The following MDN1 variants were observed in gnomAD, a reference collection of about 807,000 sequenced individuals.
MDN1 encodes the protein midasin AAA ATPase 1.
MDN1 carries 266 observed loss-of-function variants against 669.2 expected under a neutral mutation model. The observed-to-expected ratio is 0.40, with a 90% CI of 0.36 to 0.44. The LOEUF (loss-of-function observed/expected upper bound fraction) is 0.44, where lower values mean the gene tolerates loss of function less well. Among genes scored for constraint, MDN1 ranks in the 20% least tolerant of loss-of-function variants. The pLI is 1.00. For missense variants in MDN1, 5,940 were observed against 6,754.0 expected, an observed-to-expected ratio of 0.88 and a Z score of 4.22; for synonymous variants, 2,385 against 2,457.1, an observed-to-expected ratio of 0.97 and a Z score of 0.87.
rs1812564638 is a variant in MDN1 at position 89,694,179 on chromosome 6, T to C, written c.9776A>G (p.His3259Arg). The C allele has an allele frequency of 6.2e-7, 1 of 1,613,476 alleles. No homozygotes were observed. The highest frequency in any genetic ancestry group is 1.3e-5 in the African/African-American group (1 of 74,888). ...GGTCTTCCATTCACACTGCAGTTGG[T>C]GTAACTAATGGAAAAGAGAGAAGTT... is the stretch of plus-strand genomic sequence containing the variant. ...YKLNYVKEEL[H>R]QLQCEWKTRN... The change falls in exon 62 of 102, where the codon CAC becomes CGC. Residue 3259 changes from histidine (H) to arginine (R), a missense_variant. Around this residue, in one of 5 missense-constraint regions of MDN1, gnomAD observed 2,292 missense variants for 2,638.3 expected, o/e 0.87. Coordinates refer to ENST00000369393, the MANE Select transcript of MDN1 (RefSeq NM_014611.3).
At chr6:89,674,748 C>A (rs1398920501) in intron 78 of MDN1, among the ~76,000 whole-genome samples, 159 bp from the exon 79 acceptor site, 1 of 152,152 alleles carries the variant, frequency 6.6e-6, no homozygotes, top group Admixed American at 6.5e-5. Flanking sequence ...TGTTAAAATG[C>A]CTCCCAAAGT....
chr6:89,726,386 C>G (rs1815235545), intron 37 of MDN1, among the ~76,000 whole-genome samples: 1 of 150,398 alleles, frequency 6.6e-6, no homozygotes, highest in Non-Finnish European at 1.5e-5. Flanking sequence ...TTCAGTTGAA[C>G]CTGGGAGGAG....
At position 89,819,487 on chromosome 6, in the gene MDN1, C is replaced by G. The variant is rs766163481; in HGVS notation, c.102+19G>C. The G allele has an allele frequency of 3.1e-6, 5 of 1,602,102 alleles. No homozygotes were observed. The Admixed American group carries it at 8.3e-5, about 27-fold the overall frequency. The stretch of plus-strand genomic sequence containing the variant: ...CGACCCAGTCGTTCCGGCGCTTTCC[C>G]TCTCCCTTCACGTCTTACCTGCTTG... On this transcript the variant is annotated intron_variant, in intron 1 of 101. Transcript: ENST00000369393.
At position 89,700,148 on chromosome 6, in the gene MDN1, G is replaced by C. The variant is rs1245446021; in HGVS notation, c.8785C>G (p.Gln2929Glu). The change falls in exon 57 of 102, where the codon CAG (glutamine) becomes GAG (glutamate). Residue 2929 changes from glutamine to glutamate, a missense_variant. Gln to Glu is a conservative substitution (Grantham distance 29, BLOSUM62 2). Coordinates refer to ENST00000369393, the MANE Select transcript of MDN1 (RefSeq NM_014611.3). ...AGGTACTCCATTGCAGGCCACAACT[G>C]AACACTCCTGGTGAGGTGGATTACG... ...TSVIHLTRSV[Q>E]LWPAMEYLAM... The C allele has an allele frequency of 9.3e-6, 15 of 1,614,156 alleles. No individual in the cohort carries two copies. Among genetic ancestry groups the C allele is most frequent in the Non-Finnish European group, 1.3e-5 (15 of 1,180,010 alleles).
Position 89,743,283 on chromosome 6 carries a change from A to G in MDN1, c.4318-3T>C, listed in dbSNP as rs775948179. The G allele has an allele frequency of 4.3e-6, 7 of 1,613,864 alleles. No individual in the cohort carries two copies. Among genetic ancestry groups the G allele is most frequent in the Admixed American group, 1.7e-5 (1 of 59,952 alleles). ...AGTCTTGATGTGTCAATTTCTTCCTATAATTTGAAAAAGTGGGGAAAATTA... is the reference window on the plus strand; with the variant it reads ...AGTCTTGATGTGTCAATTTCTTCCTGTAATTTGAAAAAGTGGGGAAAATTA... On this transcript the variant is annotated splice_polypyrimidine_tract_variant and splice_region_variant and intron_variant, in intron 30 of 101. Transcript: ENST00000369393.
rs1339987152 is a variant in MDN1, at chr6:89,712,615, A to G, written c.7390T>C (p.Cys2464Arg). 1.7e-5 allele frequency: 27 copies of G among 1,614,194 alleles called. No homozygotes were observed. The highest frequency in any genetic ancestry group is 2.3e-5 in the Non-Finnish European group (27 of 1,180,018). ...GTTTTCATGCTCATCCTGTTGAGAC[A>G]ATATACTAAGATCTGTCCATCTCTT... is the stretch of plus-strand genomic sequence containing the variant. ...VRRDGQILVY[C>R]LNRMSMKTSS... The change falls in exon 48 of 102, where the codon TGT becomes CGT. Residue 2464 changes from cysteine (C) to arginine (R), a missense_variant. Cys to Arg is a radical substitution (Grantham distance 180). Coordinates refer to ENST00000369393, the MANE Select transcript of MDN1 (RefSeq NM_014611.3).
chr6:89,815,994 T>C (rs1768799322), intron 1 of MDN1, among the ~76,000 whole-genome samples: 1 of 152,200 alleles, frequency 6.6e-6, no homozygotes, highest in Non-Finnish European at 1.5e-5. Context: ...TCAAGAGCAA[T>C]TTCTGCCCTT....
chr6:89,710,669 A>G lies in MDN1; in HGVS notation c.7765+12T>C. Reference sequence around the variant, plus strand: ...AAAACAGTGCTGAGAGCTAGAAATCAAAAGTGCATACCTGTTGTATTTGGT... The same window carrying G: ...AAAACAGTGCTGAGAGCTAGAAATCGAAAGTGCATACCTGTTGTATTTGGT... On this transcript the variant is annotated intron_variant, in intron 50 of 101. Coordinates refer to ENST00000369393, the MANE Select transcript of MDN1 (RefSeq NM_014611.3). The G allele has an allele frequency of 4.1e-6, 6 of 1,469,602 alleles. No homozygotes were observed. Among genetic ancestry groups the G allele is most frequent in the Non-Finnish European group, 5.5e-6 (6 of 1,085,852 alleles). The allele number at this position is 1,469,602 out of a possible 1,614,324, so 91.0% of individuals were successfully genotyped here. A position where few individuals can be genotyped will look rare whatever the true frequency, so the allele number is the denominator to read the frequency against.
chr6:89,725,483 G>A (rs1815157365), intron 37 of MDN1, 87 bp from the exon 38 acceptor site: 7 of 1,116,780 alleles, frequency 6.3e-6, no homozygotes, highest in Non-Finnish European at 9.2e-6. Flanking sequence ...AGCAAATAAA[G>A]CTAGAGTTAT....
chr6:89,692,457 T>C lies in MDN1; in HGVS notation c.10573A>G (p.Arg3525Gly). The C allele has an allele frequency of 6.2e-7, 1 of 1,611,468 alleles. No individual in the cohort carries two copies. Among genetic ancestry groups the C allele is most frequent in the Non-Finnish European group, 8.5e-7 (1 of 1,178,560 alleles). The part of the protein sequence containing the change: ...ELDQRALQLF[R>G]HVCQEIISEW... ...AGATGGCTCACCTGACACACATGTC[T>C]GAAGAGCTGCAGGGCCCTCTGGTCC... The change falls in exon 63 of 102, where the codon AGA (arginine) becomes GGA (glycine). Residue 3525 changes from arginine (R) to glycine (G), a missense_variant. Coordinates refer to ENST00000369393, the MANE Select transcript of MDN1 (RefSeq NM_014611.3).
chr6:89,698,755 A>T (rs1292186949), intron 59 of MDN1, 110 bp downstream of exon 59: 1 of 1,005,796 alleles, frequency 9.9e-7, no homozygotes, highest in African/African-American at 1.6e-5. Flanking sequence ...AAGTGTTGCA[A>T]TCACCTGTTT....
rs780061476 is a variant in MDN1, at chr6:89,668,036, T to A, written c.14072A>T (p.Asp4691Val). 4 of 1,613,906 alleles carry A rather than the reference T, an allele frequency of 2.5e-6. No homozygotes were observed. The Admixed American group carries it at 6.7e-5, about 27-fold the overall frequency. ...TACCTGTTCTTCATTTCCGATCTGGTCACTCACATCCTTCATGCCCTCGCC... is the reference window on the plus strand; with the variant it reads ...TACCTGTTCTTCATTTCCGATCTGGACACTCACATCCTTCATGCCCTCGCC... Reference protein sequence around the residue: ...GEGEGMKDVSDQIGNEEQVED... With the variant: ...GEGEGMKDVSVQIGNEEQVED... Residue 4691 changes from aspartate (D) to valine (V), a missense_variant, in exon 84 of 102, where the codon GAC becomes GTC. Coordinates refer to ENST00000369393, the MANE Select transcript of MDN1 (RefSeq NM_014611.3).
Position 89,732,694 on chromosome 6 carries a change from A to AT in MDN1, c.4804dup (p.Ile1602AsnfsTer9). The stretch of plus-strand genomic sequence containing the variant: ...GTTAACCCAGGACAGGATATCTCTG[A>AT]TACTGACCACACACTTTCTGCCAAA... On this transcript the variant is annotated frameshift_variant, in exon 34 of 102. Transcript: ENST00000369393. LOFTEE classifies it high-confidence loss of function. 1 of 1,614,034 alleles carries AT rather than the reference A, an allele frequency of 6.2e-7. No individual in the cohort carries two copies. Among genetic ancestry groups the AT allele is most frequent in the Non-Finnish European group, 8.5e-7 (1 of 1,180,004 alleles).
At chr6:89,662,019 GAGAACTATAC>G in intron 87 of MDN1, 58 bp downstream of exon 87, 1 of 1,530,320 alleles carries the variant, frequency 6.5e-7, no homozygotes, top group Non-Finnish European at 8.8e-7. Flanking sequence ...GAGACACCTT[GAGAACTATAC>G]AGCTCAAGAG....
chr6:89,729,213 T>A (rs899845633), intron 35 of MDN1, 74 bp from the exon 36 acceptor site: 39 of 1,215,828 alleles, frequency 3.2e-5, no homozygotes, highest in Non-Finnish European at 4.4e-5. Flanking sequence ...ACTCAAGATT[T>A]TAAAAATCTA....
In MDN1 at chr6:89,819,735, A is replaced by T. The variant is rs1769134050; in HGVS notation, c.-128T>A. 2 of 719,452 alleles carry T rather than the reference A, an allele frequency of 2.8e-6. No homozygotes were observed. Among genetic ancestry groups the T allele is most frequent in the Non-Finnish European group, 4.8e-6 (2 of 416,634 alleles). The allele number at this position is 719,452 out of a possible 1,614,324, so 44.6% of individuals were successfully genotyped here. On this transcript the variant is annotated 5_prime_UTR_variant, in exon 1 of 102. Transcript: ENST00000369393. ...CCGCAGGAAAGGCGTCCTCAGCTCC[A>T]GCGCCTACACCGGGAGAGGGGCACC...
intron 23 of MDN1, 108 bp from the exon 24 acceptor site, chr6:89,750,640 T>C (rs1562178706): frequency 9.0e-7 from 1 of 1,107,664 alleles, no homozygotes; most frequent in East Asian, 2.4e-5. Context: ...TTTCACTCTG[T>C]TGCCCAGGCT....
In MDN1 at chr6:89,664,589, CTT is replaced by C. The variant is rs747735540; in HGVS notation, c.14132_14133del (p.Lys4711ArgfsTer4). ...ATATCAGATTTTGAATCAGGATCCT[CTT>C]TGTCTTTTTCTTGACCCTTCTGAAA... ...DTFQKGQEKD[K>X]EDPDSKSDIK... On this transcript the variant is annotated frameshift_variant, in exon 85 of 102. Transcript: ENST00000369393. LOFTEE classifies it high-confidence loss of function. 4 of 1,613,310 alleles carry C rather than the reference CTT, an allele frequency of 2.5e-6. No individual in the cohort carries two copies. The African/African-American group carries it at 4.0e-5, about 16-fold the overall frequency.
chr6:89,699,081 T>C, intron 58 of MDN1, 46 bp from the exon 59 acceptor site: 1 of 1,494,054 alleles, frequency 6.7e-7, no homozygotes, highest in Non-Finnish European at 9.2e-7. Flanking sequence ...TGAGAAAGAC[T>C]CCATAAATTA....
Sources: gnomAD v4.1 joint callset for allele counts (sites outside exome capture counted in the v4.1 genomes callset) on GRCh38, gnomAD v4.1.1 for gene constraint, gnomAD v4.1.1 regional missense constraint, MANE v1.5 for transcripts, NCBI Gene and HGNC (gene_info 2026-07-23, HGNC 2026-07-21) for gene names.